SSH1: variants seen among roughly 807,000 people sequenced by gnomAD.
The protein encoded by SSH1 is protein phosphatase Slingshot homolog 1.
In SSH1, 43 loss-of-function variants were observed where a neutral mutation model predicts 79.7. The observed-to-expected ratio is 0.54, with a 90% CI of 0.42 to 0.70. SSH1 has a LOEUF of 0.70. Ranked by LOEUF, SSH1 falls within the 30% of genes least tolerant of loss-of-function variation. The probability of loss-of-function intolerance (pLI) is 0.00; values close to 1 mark genes in which losing one functional copy is unlikely to be tolerated. For missense variants in SSH1, 1,206 were observed against 1,358.8 expected (o/e 0.89, Z 1.77); for synonymous variants, 599 against 538.3 (o/e 1.11, Z -1.56).
chr12:108,803,496 C>T (rs1285401450), intron 10 of SSH1, among the ~76,000 whole-genome samples: 2 of 152,146 alleles, frequency 1.3e-5, no homozygotes, highest in Non-Finnish European at 2.9e-5. Flanking sequence ...AGAGGGCAGA[C>T]CCCTCAGGAC....
chr12:108,792,208 T>C (rs2036533230), intron 14 of SSH1, 78 bp downstream of exon 14: 3 of 1,609,472 alleles, frequency 1.9e-6, no homozygotes, highest in South Asian at 2.2e-5. Context: ...TAGTCCCTAC[T>C]ACAGAGGCTG....
At chr12:108,811,124 T>C in intron 6 of SSH1, 136 bp downstream of exon 6, 3 of 830,798 alleles carry the variant, frequency 3.6e-6, no homozygotes, top group Non-Finnish European at 6.2e-6. Context: ...TCGAGGGCAA[T>C]ATGATTTCTC....
At chr12:108,791,800 T>C (rs1457852858) in intron 14 of SSH1, 15 of 331,872 alleles carry the variant, frequency 4.5e-5, no homozygotes, top group Non-Finnish European at 6.5e-5. Context: ...CTATAATATA[T>C]ATTTTTTAGA....
intron 3 of SSH1, among the ~76,000 whole-genome samples, chr12:108,822,209 C>A (rs1213507567): frequency 6.6e-6 from 1 of 152,132 alleles, no homozygotes; most frequent in South Asian, 2.1e-4. Context: ...TGTGGTGACA[C>A]ATCAGCCTCG....
At chr12:108,853,796 T>C (rs949911345) in intron 1 of SSH1, among the ~76,000 whole-genome samples, 1 of 151,900 alleles carries the variant, frequency 6.6e-6, no homozygotes, top group Non-Finnish European at 1.5e-5. Flanking sequence ...CGGTGACATG[T>C]ACCTGTAATC....
intron 2 of SSH1, chr12:108,826,312 CCTG>C (rs2137204853): frequency 2.8e-6 from 1 of 362,580 alleles, no homozygotes; most frequent in African/African-American, 2.1e-5. Flanking sequence ...ATCAGGGACT[CCTG>C]CTCTACGCAT....
At chr12:108,814,369 G>A (rs182472098) in intron 5 of SSH1, among the ~76,000 whole-genome samples, 457 of 151,198 alleles carry the variant, frequency 3.0e-3, no homozygotes, top group Admixed American at 4.6e-3. Flanking sequence ...TTGGCAGGGG[G>A]AATAAAAAAA....
In SSH1 at chr12:108,849,713, T is replaced by A. The variant is rs74430594; in HGVS notation, c.110+2925A>T. Among the ~76,000 whole-genome samples the A allele has an allele frequency of 7.6e-3, 1,132 of 148,990 alleles. 20 individuals are homozygous for A. The highest frequency in any genetic ancestry group is 0.027 in the African/African-American group (1,070 of 40,154). On this transcript the variant is annotated intron_variant, in intron 2 of 14. Coordinates refer to ENST00000326495, the MANE Select transcript of SSH1 (RefSeq NM_018984.4). Reference sequence around the variant, plus strand: ...GTAACTAAAAAATAAAAATAGCTCTTTGCCCCAAAGACAGTCTAAGTGACA... The same window carrying A: ...GTAACTAAAAAATAAAAATAGCTCTATGCCCCAAAGACAGTCTAAGTGACA...
intron 2 of SSH1, among the ~76,000 whole-genome samples, chr12:108,847,532 C>T (rs967895346): frequency 6.6e-5 from 10 of 152,250 alleles, no homozygotes; most frequent in African/African-American, 2.2e-4. Flanking sequence ...GACGCAAACT[C>T]GGCTCACTGC....
At chr12:108,821,166 G>A (rs1201243809) in intron 3 of SSH1, among the ~76,000 whole-genome samples, 1 of 152,082 alleles carries the variant, frequency 6.6e-6, no homozygotes, top group Non-Finnish European at 1.5e-5. Flanking sequence ...GATGGCTTGA[G>A]GCCAGGAGTT....
Position 108,798,276 on chromosome 12 carries a change from C to T in SSH1, c.1349+724G>A, listed in dbSNP as rs573547128. ...ACTCCTGAGCTCAAGCGACCACCCA[C>T]CTTGGCCTCCCAAATTGTTGGGATT... On this transcript the variant is annotated intron_variant, in intron 13 of 14. Coordinates refer to ENST00000326495, the MANE Select transcript of SSH1 (RefSeq NM_018984.4). 4.6e-5 allele frequency among the ~76,000 whole-genome samples: 7 copies of T among 152,356 alleles called. No homozygotes were observed. The South Asian group carries it at 1.5e-3, about 32-fold the overall frequency.
intron 5 of SSH1, among the ~76,000 whole-genome samples, chr12:108,816,593 C>T (rs2037897976): frequency 6.6e-6 from 1 of 152,172 alleles, no homozygotes; most frequent in Admixed American, 6.5e-5. Context: ...TGGAGTATCA[C>T]TGTGGGGTGA....
At position 108,792,675 on chromosome 12, in the gene SSH1, C is replaced by T. The variant is rs777723533; in HGVS notation, c.1504G>A (p.Gly502Ser). 10 of 1,612,172 alleles carry T rather than the reference C, an allele frequency of 6.2e-6. No homozygotes were observed. Among genetic ancestry groups the T allele is most frequent in the African/African-American group, 2.7e-5 (2 of 74,920 alleles). ...CAGCAGGGGAGGGGGGGCCCTAAGC[C>T]GGGCTGGGCGGCATCATCCAAGAAG... The part of the protein sequence containing the change: ...LPFLDDAAQP[G>S]LGPPLPCCFR... The change falls in exon 14 of 15, where the codon GGC (glycine) becomes AGC (serine). Residue 502 changes from glycine to serine, a missense_variant. This residue lies in a region of SSH1 where 709 missense variants were observed against 730.6 expected (regional missense o/e 0.97). Transcript: ENST00000326495.
rs928485490 is a variant in SSH1, at chr12:108,783,872, G to A, written c.*4116C>T. On this transcript the variant is annotated 3_prime_UTR_variant, in exon 15 of 15. Transcript: ENST00000326495. ...GGTTTGCAATGTCTGCAGGAATCTG[G>A]GTAGTGGGACCAAGACAAGTGAGCC... The A allele has an allele frequency of 6.6e-6, 1 of 152,264 alleles. No individual in the cohort carries two copies. Among genetic ancestry groups the A allele is most frequent in the African/African-American group, 2.4e-5 (1 of 41,452 alleles). The allele number at this position is 152,264 out of a possible 1,614,324, so 9.4% of individuals were successfully genotyped here. A position where few individuals can be genotyped will look rare whatever the true frequency, so the allele number is the denominator to read the frequency against.
chr12:108,817,507 G>A (rs944558645), intron 4 of SSH1: 5 of 349,872 alleles, frequency 1.4e-5, no homozygotes, highest in East Asian at 1.5e-4. Flanking sequence ...CCCGGGAAGC[G>A]GAGGTTGCAG....
At chr12:108,809,163 C>G (rs2037444604) in intron 7 of SSH1, among the ~76,000 whole-genome samples, 1 of 150,648 alleles carries the variant, frequency 6.6e-6, no homozygotes, top group Non-Finnish European at 1.5e-5. Context: ...AAAATATAGG[C>G]TGAGGCCAGG....
At chr12:108,796,699 T>C (rs1021445627) in intron 13 of SSH1, among the ~76,000 whole-genome samples, 4 of 152,232 alleles carry the variant, frequency 2.6e-5, no homozygotes, top group Admixed American at 2.0e-4. Flanking sequence ...TTCAATTGTT[T>C]TGGATATATT....
intron 2 of SSH1, chr12:108,836,903 A>G (rs1400428008): frequency 1.9e-6 from 1 of 533,742 alleles, no homozygotes; most frequent in East Asian, 5.4e-5. Context: ...ACACTGAGGG[A>G]CACTCTGCAA....
At chr12:108,793,611 G>T (rs1007520432) in intron 13 of SSH1, among the ~76,000 whole-genome samples, 2 of 151,912 alleles carry the variant, frequency 1.3e-5, no homozygotes, top group Non-Finnish European at 2.9e-5. Context: ...GCCCAAGCTG[G>T]TCTTGTACTC....
Sources: allele counts gnomAD v4.1 joint callset (sites outside exome capture counted in the v4.1 genomes callset), GRCh38; gene constraint gnomAD v4.1.1; regional missense constraint gnomAD v4.1.1; transcripts MANE v1.5; gene names NCBI Gene and HGNC (gene_info 2026-07-23, HGNC 2026-07-21).